Variants in ACBD6 observed in about 807,000 individuals in gnomAD.
The protein encoded by ACBD6 is acyl-CoA binding domain containing 6.
In ACBD6, 28 loss-of-function variants were observed where a neutral mutation model predicts 37.2. The ratio of observed to expected loss-of-function variants is 0.75; its 90% CI spans 0.56 to 1.03. The LOEUF is 1.03. ACBD6 is among the 50% of genes least tolerant of loss of function. The probability of loss-of-function intolerance (pLI) is 0.00; values close to 1 mark genes in which losing one functional copy is unlikely to be tolerated. For synonymous variants in ACBD6, 113 were observed against 126.8 expected (o/e 0.89, Z 0.73); for missense variants, 340 against 337.4 (o/e 1.01, Z -0.06).
At chr1:180,315,627 T>A (rs544035246) in intron 6 of ACBD6, among the ~76,000 whole-genome samples, 1 of 152,298 alleles carries the variant, frequency 6.6e-6, no homozygotes, top group East Asian at 1.9e-4. Flanking sequence ...AACAGCTGAA[T>A]GTAGGGGTGG....
intron 3 of ACBD6, among the ~76,000 whole-genome samples, chr1:180,467,882 T>C (rs746311682): frequency 6.6e-6 from 1 of 152,180 alleles, no homozygotes; most frequent in Non-Finnish European, 1.5e-5. Flanking sequence ...AACATGTACA[T>C]AAATCTTCTA....
intron 6 of ACBD6, among the ~76,000 whole-genome samples, chr1:180,383,484 G>A (rs1653736343): frequency 6.6e-6 from 1 of 152,044 alleles, no homozygotes; most frequent in East Asian, 1.9e-4. Flanking sequence ...CCAAGGAGGT[G>A]AAAGATCTCT....
chr1:180,341,916 C>A (rs754409730), intron 6 of ACBD6, among the ~76,000 whole-genome samples: 26 of 151,966 alleles, frequency 1.7e-4, no homozygotes, highest in Admixed American at 3.3e-4. Context: ...ACTCATCAAA[C>A]CGACTAAAAT....
intron 3 of ACBD6, among the ~76,000 whole-genome samples, chr1:180,467,455 A>G (rs1650392447): frequency 6.7e-6 from 1 of 148,762 alleles, no homozygotes; most frequent in African/African-American, 2.5e-5. Flanking sequence ...CTGCAAAAAA[A>G]AAAAAAAAAA....
At chr1:180,396,798 G>A (rs1654277245) in intron 6 of ACBD6, among the ~76,000 whole-genome samples, 1 of 152,166 alleles carries the variant, frequency 6.6e-6, no homozygotes, top group Non-Finnish European at 1.5e-5. Flanking sequence ...AAAATAACAA[G>A]TATTGGTGAG....
exon 14 of ACBD6, chr1:180,271,744 G>T (rs1449380098): frequency 6.8e-7 from 1 of 1,468,648 alleles, no homozygotes; most frequent in South Asian, 1.1e-5. Context: ...TCAGGCTTCA[G>T]TCTGCTTCCA....
At chr1:180,415,934 T>C (rs938919627) in intron 4 of ACBD6, among the ~76,000 whole-genome samples, 2 of 152,220 alleles carry the variant, frequency 1.3e-5, no homozygotes, top group East Asian at 3.8e-4. Context: ...TGTTTAAGTA[T>C]TTGTTTATCG....
rs149609994 is a variant in ACBD6 at position 180,477,006 on chromosome 1, A to G, written c.384+15263T>C. On this transcript the variant is annotated intron_variant, in intron 3 of 7. Coordinates refer to ENST00000367595, the MANE Select transcript of ACBD6 (RefSeq NM_032360.4). ...AATATAATGCTTTGTATAACATTAT[A>G]CCCCCTTATCCATGGGGTATGTATT... 2.9e-4 allele frequency among the ~76,000 whole-genome samples: 44 copies of G among 152,210 alleles called. 1 individual carries two copies. The East Asian group carries it at 7.7e-3, about 27-fold the overall frequency.
intron 7 of ACBD6, among the ~76,000 whole-genome samples, chr1:180,292,913 TTTG>T (rs142312733): frequency 0.11 from 16,491 of 152,096 alleles, 1,274 homozygotes; most frequent in African/African-American, 0.22. Context: ...GTTGTGAGTT[TTTG>T]TTGTTGTTGT....
chr1:180,331,323 C>T (rs1481750695), intron 6 of ACBD6, among the ~76,000 whole-genome samples: 6 of 152,158 alleles, frequency 3.9e-5, no homozygotes, highest in Admixed American at 3.9e-4. Flanking sequence ...TAACTAACAT[C>T]CTTAACCCCA....
intron 4 of ACBD6, among the ~76,000 whole-genome samples, chr1:180,418,570 T>C (rs949725184): frequency 4.0e-5 from 6 of 151,284 alleles, no homozygotes; most frequent in African/African-American, 1.2e-4. Context: ...AAAGATCCTG[T>C]CTCTTAAAAA....
At chr1:180,337,592 A>G (rs1477847700) in intron 6 of ACBD6, among the ~76,000 whole-genome samples, 1 of 152,252 alleles carries the variant, frequency 6.6e-6, no homozygotes, top group Non-Finnish European at 1.5e-5. Context: ...GAAAATGGGC[A>G]CAAGACAGGG....
intron 6 of ACBD6, among the ~76,000 whole-genome samples, chr1:180,343,208 C>T (rs1652044969): frequency 6.6e-6 from 1 of 151,858 alleles, no homozygotes; most frequent in South Asian, 2.1e-4. Flanking sequence ...AAAATTGAAG[C>T]TATGAAAGCA....
At chr1:180,387,452 A>T (rs1338104675) in intron 6 of ACBD6, among the ~76,000 whole-genome samples, 1 of 152,176 alleles carries the variant, frequency 6.6e-6, no homozygotes, top group South Asian at 2.1e-4. Flanking sequence ...TTACGACAGA[A>T]GGGGAGTATC....
chr1:180,359,323 A>G (rs1268170283), intron 6 of ACBD6, among the ~76,000 whole-genome samples: 2 of 152,182 alleles, frequency 1.3e-5, no homozygotes, highest in East Asian at 3.9e-4. Flanking sequence ...AAATAAAACA[A>G]AAATATTTAT....
intron 3 of ACBD6, among the ~76,000 whole-genome samples, chr1:180,447,939 C>T (rs182011416): frequency 1.5e-3 from 233 of 152,054 alleles, no homozygotes; most frequent in African/African-American, 5.3e-3. Flanking sequence ...GATAAACAGA[C>T]CATGATTATA....
intron 6 of ACBD6, among the ~76,000 whole-genome samples, chr1:180,396,093 G>C (rs1654248598): frequency 6.6e-6 from 1 of 152,166 alleles, no homozygotes; most frequent in Non-Finnish European, 1.5e-5. Flanking sequence ...ACCTAGAGTA[G>C]TCAAATTCAC....
chr1:180,271,640 A>AC, exon 14 of ACBD6: 1 of 1,463,652 alleles, frequency 6.8e-7, no homozygotes, highest in African/African-American at 1.4e-5. Flanking sequence ...TCAGGGCTTG[A>AC]CCCCAGGGCT....
chr1:180,271,426 C>T lies in ACBD6; in HGVS notation c.*1799G>A, dbSNP rs762313842. 5.0e-6 allele frequency: 8 copies of T among 1,614,070 alleles called. No individual in the cohort carries two copies. The Admixed American group carries it at 5.0e-5, about 10-fold the overall frequency. ...AGCGGCCCCGGACCACCATCACAGC[C>T]AAGCAGCTGGAGACATTAAAGAATG... is the stretch of plus-strand genomic sequence containing the variant. On this transcript the variant is annotated 3_prime_UTR_variant, in exon 14 of 14. Transcript: ENST00000642319.
Sources: gnomAD v4.1 joint callset for allele counts (sites outside exome capture counted in the v4.1 genomes callset) on GRCh38, gnomAD v4.1.1 for gene constraint, MANE v1.5 for transcripts, NCBI Gene and HGNC (gene_info 2026-07-23, HGNC 2026-07-21) for gene names.